The following ARSK variants were observed in gnomAD, a reference collection of about 807,000 sequenced individuals.
ARSK encodes arylsulfatase K.
ARSK carries 37 observed loss-of-function variants against 53.2 expected under a neutral mutation model. The ratio of observed to expected loss-of-function variants is 0.70; its 90% CI spans 0.54 to 0.92. The LOEUF is 0.92. Among genes scored for constraint, ARSK ranks in the 40% least tolerant of loss-of-function variants. The probability of loss-of-function intolerance (pLI) is 0.00; values close to 1 mark genes in which losing one functional copy is unlikely to be tolerated. For synonymous variants in ARSK, 208 were observed against 223.2 expected, an observed-to-expected ratio of 0.93 and a Z score of 0.61; for missense variants, 613 against 643.0, an observed-to-expected ratio of 0.95 and a Z score of 0.51.
Position 95,555,223 on chromosome 5 carries a change from G to C in ARSK, c.-56G>C. The C allele has an allele frequency of 1.3e-6, 2 of 1,520,666 alleles. No homozygotes were observed. Among genetic ancestry groups the C allele is most frequent in the Admixed American group, 3.5e-5 (2 of 56,966 alleles). 94.2% of individuals were successfully genotyped at this position (1,520,666 alleles called of 1,614,324 possible). A position where few individuals can be genotyped will look rare whatever the true frequency, so the allele number is the denominator to read the frequency against. The stretch of plus-strand genomic sequence containing the variant: ...TCCCTGCCCTGCTCTGCTAGGGAGA[G>C]AACGCCAGAGGGAGGCGGCTGGCCC... On this transcript the variant is annotated 5_prime_UTR_variant, in exon 1 of 8. Coordinates refer to ENST00000380009, the MANE Select transcript of ARSK (RefSeq NM_198150.3). The surrounding 1 kb of genome is among the most constrained non-coding windows in gnomAD (Gnocchi z 4.0).
At chr5:95,588,788 C>T (rs144656554) in intron 5 of ARSK, among the ~76,000 whole-genome samples, 1 of 151,756 alleles carries the variant, frequency 6.6e-6, no homozygotes, top group African/African-American at 2.4e-5. Context: ...ATGATGAAAC[C>T]CCATCTCTAC....
At chr5:95,600,379 CAT>C (rs1264198834) in intron 6 of ARSK, among the ~76,000 whole-genome samples, 1 of 152,074 alleles carries the variant, frequency 6.6e-6, no homozygotes, top group Non-Finnish European at 1.5e-5. Context: ...GTTTTGCAAA[CAT>C]ATAAGACTAC....
Position 95,586,738 on chromosome 5 carries a change from G to A in ARSK, c.871+5G>A, listed in dbSNP as rs1749119967. 3 of 1,573,342 alleles carry A rather than the reference G, an allele frequency of 1.9e-6. No individual in the cohort carries two copies. The highest frequency in any genetic ancestry group is 2.6e-6 in the Non-Finnish European group (3 of 1,163,236). ...CTGAGACAGATGCCATGCTTGGTAG[G>A]TGGTATAATTAATAAGCAATTACAT... On this transcript the variant is annotated splice_donor_5th_base_variant and intron_variant, in intron 5 of 7. Transcript: ENST00000380009.
chr5:95,584,335 A>C, intron 4 of ARSK, among the ~76,000 whole-genome samples: 1 of 152,226 alleles, frequency 6.6e-6, no homozygotes, highest in African/African-American at 2.4e-5. Context: ...AGCTAGCAGC[A>C]TATCAGTGTG....
At chr5:95,570,596 G>A (rs1748810549) in intron 3 of ARSK, among the ~76,000 whole-genome samples, 1 of 152,180 alleles carries the variant, frequency 6.6e-6, no homozygotes, top group Non-Finnish European at 1.5e-5. Context: ...TTATCTGTAA[G>A]AATTATGATG....
chr5:95,565,257 T>A (rs1451250739), intron 1 of ARSK, among the ~76,000 whole-genome samples: 7 of 152,264 alleles, frequency 4.6e-5, no homozygotes, highest in Non-Finnish European at 1.0e-4. Context: ...CTGCCTAATT[T>A]TTTTTTGTAG....
chr5:95,559,907 GTATC>G (rs1748596837), intron 1 of ARSK, among the ~76,000 whole-genome samples: 1 of 152,164 alleles, frequency 6.6e-6, no homozygotes. Context: ...AGAAGTAAAA[GTATC>G]TATACTTGCA....
intron 3 of ARSK, among the ~76,000 whole-genome samples, chr5:95,578,321 AT>A (rs543934915): frequency 0.049 from 6,802 of 139,988 alleles, 158 homozygotes; most frequent in East Asian, 0.11. Flanking sequence ...CCAGTGAAGA[AT>A]TTTTTTTTTT....
intron 5 of ARSK, among the ~76,000 whole-genome samples, chr5:95,588,841 A>G (rs1749166027): frequency 6.6e-6 from 1 of 152,102 alleles, no homozygotes; most frequent in Non-Finnish European, 1.5e-5. Context: ...GTGCGCCTGT[A>G]GTCCCAGCTA....
rs773014351 is a variant in ARSK, at chr5:95,555,363, G to A, written c.85G>A (p.Ala29Thr). The A allele has an allele frequency of 8.7e-6, 14 of 1,610,560 alleles. No individual in the cohort carries two copies. The highest frequency in any genetic ancestry group is 2.2e-5 in the South Asian group (2 of 90,684). Residue 29 changes from alanine (A) to threonine (T), a missense_variant, in exon 1 of 8, where the codon GCC becomes ACC. Ala to Thr is a moderately conservative substitution (Grantham distance 58). Transcript: ENST00000380009. This position sits in a 1 kb window ranked among gnomAD's most constrained non-coding sequence, Gnocchi z 4.0. ...PGAGEQRRRA[A>T]KAPNVVLVVS... ...AGCAGGGGAGCAGAGGCGGAGAGCA[G>A]CCAAAGCGCCCAATGTGGTGCTGGT...
At chr5:95,602,528 T>A (rs1309751016) in intron 7 of ARSK, among the ~76,000 whole-genome samples, 1 of 152,158 alleles carries the variant, frequency 6.6e-6, no homozygotes, top group Non-Finnish European at 1.5e-5. Context: ...GGTTTTTCCC[T>A]CAACATACAG....
At chr5:95,584,143 ACTTCT>A (rs965231430) in intron 4 of ARSK, among the ~76,000 whole-genome samples, 10 of 152,032 alleles carry the variant, frequency 6.6e-5, no homozygotes, top group African/African-American at 2.4e-4. Flanking sequence ...ATCTTTGTTG[ACTTCT>A]CTTCATTATC....
intron 1 of ARSK, among the ~76,000 whole-genome samples, chr5:95,564,150 G>C (rs1748684661): frequency 1.3e-5 from 2 of 151,670 alleles, no homozygotes; most frequent in African/African-American, 4.8e-5. Flanking sequence ...GCTAATTTTT[G>C]TATTTTTAGT....
rs560792537 is a variant in ARSK at position 95,583,024 on chromosome 5, G to A, written c.525G>A (p.Arg175=). The change falls in exon 4 of 8, where the codon AGG becomes AGA. Residue 175 remains arginine, a synonymous_variant. Coordinates refer to ENST00000380009, the MANE Select transcript of ARSK (RefSeq NM_198150.3). ...GGACTAAAGTCAGAGTGATGGAAAG[G>A]GATTGGCAGAATACAGACAAAGCAG... The part of the protein sequence containing the change: ...RNRTKVRVME[R]DWQNTDKAVN... 2.1e-4 allele frequency: 343 copies of A among 1,613,798 alleles called. No homozygotes were observed. In the South Asian group the frequency reaches 3.6e-3, roughly 17 times the overall value.
chr5:95,591,310 C>A, intron 5 of ARSK, 91 bp from the exon 6 acceptor site: 2 of 1,090,376 alleles, frequency 1.8e-6, no homozygotes, highest in Non-Finnish European at 2.7e-6. Flanking sequence ...TAGTGACAAA[C>A]TCTTATAGGG....
chr5:95,561,413 T>A (rs1748634369), intron 1 of ARSK, among the ~76,000 whole-genome samples: 1 of 152,196 alleles, frequency 6.6e-6, no homozygotes, highest in Admixed American at 6.5e-5. Flanking sequence ...TAGGTGTATA[T>A]TCAAGGGAAA....
At chr5:95,558,514 A>G (rs941684148) in intron 1 of ARSK, among the ~76,000 whole-genome samples, 3 of 152,202 alleles carry the variant, frequency 2.0e-5, no homozygotes, top group Admixed American at 1.3e-4. Context: ...AGATGACTAA[A>G]ATCATGAAAG....
rs1201744409 is a variant in ARSK at position 95,566,055 on chromosome 5, T to C, written c.184T>C (p.Phe62Leu). Residue 62 changes from phenylalanine (F) to leucine (L), a missense_variant, in exon 2 of 8, where the codon TTT (phenylalanine) becomes CTT (leucine). Coordinates refer to ENST00000380009, the MANE Select transcript of ARSK (RefSeq NM_198150.3). ...GGTAGTGAAACTTCCTTTTATCAAC[T>C]TTATGAAGACACGTGGGACTTCCTT... ...SQVVKLPFIN[F>L]MKTRGTSFLN... 2.5e-6 allele frequency: 4 copies of C among 1,613,592 alleles called. No homozygotes were observed. The highest frequency in any genetic ancestry group is 8.5e-7 in the Non-Finnish European group (1 of 1,179,824).
chr5:95,562,651 C>T (rs1208518802), intron 1 of ARSK, among the ~76,000 whole-genome samples: 3 of 152,142 alleles, frequency 2.0e-5, no homozygotes, highest in African/African-American at 7.2e-5. Context: ...ACTTACCCAC[C>T]CCAAGGGGGA....
Sources: gnomAD v4.1 joint callset for allele counts (sites outside exome capture counted in the v4.1 genomes callset) on GRCh38, gnomAD v4.1.1 for gene constraint, Gnocchi (gnomAD v3.1) non-coding constraint, MANE v1.5 for transcripts, NCBI Gene and HGNC (gene_info 2026-07-23, HGNC 2026-07-21) for gene names.